Variants in DDX10 observed in about 807,000 individuals in gnomAD.
DDX10 encodes probable ATP-dependent RNA helicase DDX10.
DDX10 carries 74 observed loss-of-function variants against 104.3 expected under a neutral mutation model. That is an observed-to-expected ratio of 0.71 (90% CI 0.59 to 0.86). The LOEUF (loss-of-function observed/expected upper bound fraction) is 0.86. DDX10 is among the 40% of genes least tolerant of loss of function. The probability of loss-of-function intolerance (pLI) is 0.00; values close to 1 mark genes in which losing one functional copy is unlikely to be tolerated. For synonymous variants in DDX10, 351 were observed against 353.4 expected, an observed-to-expected ratio of 0.99 and a Z score of 0.08; for missense variants, 952 against 1,040.0, an observed-to-expected ratio of 0.92 and a Z score of 1.16.
intron 13 of DDX10, among the ~76,000 whole-genome samples, chr11:108,753,803 T>A (rs1420423134): frequency 1.3e-5 from 2 of 152,066 alleles, no homozygotes; most frequent in Non-Finnish European, 2.9e-5. Context: ...TCATTTTTAA[T>A]TTGGTGTTAC....
chr11:108,776,854 A>G (rs2094370566), intron 13 of DDX10, among the ~76,000 whole-genome samples: 2 of 152,218 alleles, frequency 1.3e-5, no homozygotes. Flanking sequence ...CTTCAGTCCT[A>G]CAACCGGAAA....
intron 3 of DDX10, among the ~76,000 whole-genome samples, chr11:108,676,472 G>T (rs957490024): frequency 3.9e-5 from 6 of 152,042 alleles, no homozygotes; most frequent in Admixed American, 1.3e-4. Context: ...TTGAGATGAA[G>T]TCATGCTGTG....
At chr11:108,881,422 A>G (rs1179673878) in intron 16 of DDX10, among the ~76,000 whole-genome samples, 2 of 152,184 alleles carry the variant, frequency 1.3e-5, no homozygotes, top group Non-Finnish European at 2.9e-5. Flanking sequence ...AGGTCTGTCT[A>G]TTTCATAACA....
intron 13 of DDX10, among the ~76,000 whole-genome samples, chr11:108,741,288 C>T (rs1294195862): frequency 6.6e-6 from 1 of 151,934 alleles, no homozygotes; most frequent in African/African-American, 2.4e-5. Flanking sequence ...TCTATTTGGG[C>T]TATTTTTTTG....
At chr11:108,819,375 T>C (rs1260678685) in intron 13 of DDX10, among the ~76,000 whole-genome samples, 1 of 152,200 alleles carries the variant, frequency 6.6e-6, no homozygotes, top group African/African-American at 2.4e-5. Flanking sequence ...GAGGGTAATA[T>C]TAGAACTTGA....
At chr11:108,784,820 T>C (rs1348979656) in intron 13 of DDX10, among the ~76,000 whole-genome samples, 1 of 152,232 alleles carries the variant, frequency 6.6e-6, no homozygotes, top group African/African-American at 2.4e-5. Flanking sequence ...TTTTTATAGT[T>C]TGAGGTCTTA....
chr11:108,686,226 T>TG, intron 6 of DDX10, among the ~76,000 whole-genome samples: 1 of 152,198 alleles, frequency 6.6e-6, no homozygotes, highest in East Asian at 1.9e-4. Flanking sequence ...TTTGCTACAA[T>TG]GGATGGACCT....
intron 13 of DDX10, among the ~76,000 whole-genome samples, chr11:108,763,835 C>CATT (rs565687163): frequency 1.2e-3 from 184 of 152,148 alleles, no homozygotes; most frequent in African/African-American, 4.3e-3. Flanking sequence ...AGTAATAATG[C>CATT]ATTAAATAGT....
chr11:108,740,305 G>A (rs1176576882), intron 13 of DDX10, among the ~76,000 whole-genome samples: 1 of 152,120 alleles, frequency 6.6e-6, no homozygotes, highest in Non-Finnish European at 1.5e-5. Context: ...TGCTACAAAG[G>A]ACATGATTTC....
intron 13 of DDX10, among the ~76,000 whole-genome samples, chr11:108,773,196 C>G (rs34043774): frequency 6.6e-6 from 1 of 152,112 alleles, no homozygotes; most frequent in Non-Finnish European, 1.5e-5. Context: ...TATGAACTTA[C>G]GATACTGGCA....
chr11:108,715,939 T>C lies in DDX10; in HGVS notation c.1383T>C (p.Asp461=). 6.4e-7 allele frequency: 1 copy of C among 1,565,366 alleles called. No individual in the cohort carries two copies. Among genetic ancestry groups the C allele is most frequent in the Non-Finnish European group, 8.8e-7 (1 of 1,138,818 alleles). Residue 461 remains aspartate, a synonymous_variant, in exon 11 of 18, where the codon GAT becomes GAC. Coordinates refer to ENST00000322536, the MANE Select transcript of DDX10 (RefSeq NM_004398.4). ...QKKLESILAQ[D]QDLKERAQRC... is the part of the protein sequence containing the mutation. The stretch of plus-strand genomic sequence containing the variant: ...AATTGGAATCTATTTTAGCTCAAGA[T>C]CAAGATTTAAAAGAAAGAGCTCAAA...
intron 6 of DDX10, among the ~76,000 whole-genome samples, chr11:108,682,668 C>A (rs2094237229): frequency 6.6e-6 from 1 of 152,116 alleles, no homozygotes; most frequent in Admixed American, 6.5e-5. Context: ...ATCTTAAGCC[C>A]CATAAGCCAC....
rs1343439965 is a variant in DDX10, at chr11:108,899,802, G to C, written c.2305-18071G>C. 1.9e-4 allele frequency among the ~76,000 whole-genome samples: 29 copies of C among 152,092 alleles called. 1 individual carries two copies. Among genetic ancestry groups the C allele is most frequent in the Admixed American group, 1.9e-3 (29 of 15,276 alleles). ...CGCAATAGTGAGTGAGTTCTCATGA[G>C]ACCTGGCTGTTTAAAAATGTGTAGT... On this transcript the variant is annotated intron_variant, in intron 16 of 17. Coordinates refer to ENST00000322536, the MANE Select transcript of DDX10 (RefSeq NM_004398.4).
chr11:108,681,378 A>G (rs1310256356), intron 6 of DDX10, among the ~76,000 whole-genome samples: 5 of 152,222 alleles, frequency 3.3e-5, no homozygotes, highest in African/African-American at 9.6e-5. Context: ...ATGTATTGAC[A>G]TAATTTACAA....
rs142381520 is a variant in DDX10, at chr11:108,837,607, C to CTTTTTTTTTTTTTT, written c.1966-817_1966-804dup. Reference sequence around the variant, plus strand: ...TTCTGCATCTCACCTTTGGATACAGCTTTTTTTTTTTTTTTTTTTTTTTTT... The same window carrying CTTTTTTTTTTTTTT: ...TTCTGCATCTCACCTTTGGATACAGCTTTTTTTTTTTTTTTTTTTTTTTTTTTTTTTTTTTTTTT... On this transcript the variant is annotated intron_variant, in intron 13 of 17. Coordinates refer to ENST00000322536, the MANE Select transcript of DDX10 (RefSeq NM_004398.4). Among the ~76,000 whole-genome samples the CTTTTTTTTTTTTTT allele has an allele frequency of 2.3e-4, 8 of 34,748 alleles. 2 individuals are homozygous for CTTTTTTTTTTTTTT. Among genetic ancestry groups the CTTTTTTTTTTTTTT allele is most frequent in the East Asian group, 2.3e-3 (2 of 884 alleles). 22.8% of individuals were successfully genotyped at this position (34,748 alleles called of 152,430 possible). A position where few individuals can be genotyped will look rare whatever the true frequency, so the allele number is the denominator to read the frequency against.
chr11:108,887,480 A>G (rs1397874283), intron 16 of DDX10, among the ~76,000 whole-genome samples: 1 of 151,898 alleles, frequency 6.6e-6, no homozygotes, highest in Admixed American at 6.6e-5. Flanking sequence ...AAAAAAAGAA[A>G]AAACTGTGGT....
intron 12 of DDX10, among the ~76,000 whole-genome samples, chr11:108,720,895 G>GTTT (rs35211888): frequency 7.7e-5 from 11 of 142,518 alleles, no homozygotes; most frequent in Admixed American, 5.6e-4. Flanking sequence ...GCCTGGCCGG[G>GTTT]TTTTTTTTTT....
At chr11:108,739,753 TC>T (rs1466387100) in intron 13 of DDX10, among the ~76,000 whole-genome samples, 2 of 152,170 alleles carry the variant, frequency 1.3e-5, no homozygotes, top group Non-Finnish European at 2.9e-5. Flanking sequence ...TTAGATAGAA[TC>T]CTGTGTTAGT....
intron 16 of DDX10, among the ~76,000 whole-genome samples, chr11:108,886,131 G>A (rs1863293191): frequency 1.3e-5 from 2 of 152,158 alleles, no homozygotes; most frequent in African/African-American, 2.4e-5. Context: ...GAGAAGGGGA[G>A]GGGATAAGGG....
Sources: gnomAD v4.1 joint callset for allele counts (sites outside exome capture counted in the v4.1 genomes callset) on GRCh38, gnomAD v4.1.1 for gene constraint, MANE v1.5 for transcripts, NCBI Gene and HGNC (gene_info 2026-07-23, HGNC 2026-07-21) for gene names.